Variants in GABRG3 observed in about 807,000 individuals in gnomAD.
GABRG3 encodes gamma-aminobutyric acid receptor subunit gamma-3.
A neutral mutation model predicts 48.8 loss-of-function variants in GABRG3; 25 were observed. The observed-to-expected ratio is 0.51, with a 90% CI of 0.37 to 0.72. The LOEUF is 0.72. GABRG3 is among the 30% of genes least tolerant of loss of function. The pLI, the probability that GABRG3 is intolerant of heterozygous loss-of-function variation, is 0.00. For synonymous variants in GABRG3, 227 were observed against 217.6 expected (o/e 1.04, Z -0.38); for missense variants, 394 against 577.9 (o/e 0.68, Z 3.26).
intron 5 of GABRG3, among the ~76,000 whole-genome samples, chr15:27,413,418 A>T (rs886094384): frequency 6.6e-6 from 1 of 152,238 alleles, no homozygotes; most frequent in African/African-American, 2.4e-5. Flanking sequence ...TTACAATTAT[A>T]TGCAGATTGC....
Position 26,994,859 on chromosome 15 carries a change from T to C in GABRG3, c.202+17709T>C, listed in dbSNP as rs112747181. Among the ~76,000 whole-genome samples, 193 of 152,022 alleles carry C rather than the reference T, an allele frequency of 1.3e-3. 1 individual carries two copies. Among genetic ancestry groups the C allele is most frequent in the African/African-American group, 4.3e-3 (180 of 41,538 alleles). Reference sequence around the variant, plus strand: ...TCTTTTAAAATTTATTGAGGCTTGTTTTATGGCTTAGCATAAGCCATGCTC... The same window carrying C: ...TCTTTTAAAATTTATTGAGGCTTGTCTTATGGCTTAGCATAAGCCATGCTC... On this transcript the variant is annotated intron_variant, in intron 2 of 9. Coordinates refer to ENST00000615808, the MANE Select transcript of GABRG3 (RefSeq NM_033223.5).
intron 5 of GABRG3, among the ~76,000 whole-genome samples, chr15:27,330,346 A>AT (rs1374788993): frequency 1.3e-5 from 2 of 152,338 alleles, no homozygotes; most frequent in African/African-American, 4.8e-5. Flanking sequence ...AATGTTATAG[A>AT]TTTTTCCCTG....
intron 3 of GABRG3, among the ~76,000 whole-genome samples, chr15:27,312,642 G>C (rs1893034516): frequency 6.6e-6 from 1 of 152,086 alleles, no homozygotes; most frequent in African/African-American, 2.4e-5. Flanking sequence ...GATATATTCA[G>C]AGTACTAAAA....
At chr15:26,995,951 A>G (rs1895332905) in intron 2 of GABRG3, among the ~76,000 whole-genome samples, 1 of 152,122 alleles carries the variant, frequency 6.6e-6, no homozygotes, top group Non-Finnish European at 1.5e-5. Context: ...TGGGGTCATT[A>G]TCTGCTCCAA....
At chr15:27,363,659 T>C (rs1895096573) in intron 5 of GABRG3, 1 of 152,098 alleles carries the variant, frequency 6.6e-6, no homozygotes, top group African/African-American at 2.4e-5. Flanking sequence ...GAGACCAAAA[T>C]CGAGGCAGTC....
intron 3 of GABRG3, among the ~76,000 whole-genome samples, chr15:27,088,265 G>T (rs1048737787): frequency 6.6e-6 from 1 of 150,890 alleles, no homozygotes; most frequent in African/African-American, 2.4e-5. Context: ...GCGGGGGCGG[G>T]CGCGGGGGCG....
chr15:27,123,818 G>C (rs991296711), intron 3 of GABRG3, among the ~76,000 whole-genome samples: 2 of 152,118 alleles, frequency 1.3e-5, no homozygotes, highest in East Asian at 3.9e-4. Flanking sequence ...AGCAGGACTC[G>C]AACCAGGGAG....
intron 3 of GABRG3, among the ~76,000 whole-genome samples, chr15:27,083,964 A>G (rs1227175677): frequency 2.0e-5 from 3 of 152,170 alleles, no homozygotes; most frequent in Non-Finnish European, 4.4e-5. Flanking sequence ...ATGACTTGTC[A>G]CCACATCATC....
chr15:27,413,467 C>T (rs1226189614), intron 5 of GABRG3, among the ~76,000 whole-genome samples: 2 of 152,140 alleles, frequency 1.3e-5, no homozygotes, highest in African/African-American at 2.4e-5. Context: ...AAAGAAAAAG[C>T]AACGTGTGTG....
rs1382526223 is a variant in GABRG3, at chr15:27,110,430, A to AT, written c.270+83616dup. Among the ~76,000 whole-genome samples the AT allele has an allele frequency of 3.3e-5, 5 of 152,002 alleles. No homozygotes were observed. In the South Asian group the frequency reaches 6.2e-4, roughly 19 times the overall value. ...CAATTTAAAATAGTAAACATAAAAG[A>AT]TTTTTTTATTTTACCTCCACTTATT... is the stretch of plus-strand genomic sequence containing the variant. On this transcript the variant is annotated intron_variant, in intron 3 of 9. Coordinates refer to ENST00000615808, the MANE Select transcript of GABRG3 (RefSeq NM_033223.5).
intron 5 of GABRG3, among the ~76,000 whole-genome samples, chr15:27,456,929 G>A (rs947151476): frequency 1.3e-5 from 2 of 152,304 alleles, no homozygotes; most frequent in South Asian, 2.1e-4. Flanking sequence ...CAGAGATCAA[G>A]GAGCCAGCCC....
At chr15:27,222,394 C>T (rs1175293194) in intron 3 of GABRG3, among the ~76,000 whole-genome samples, 1 of 152,194 alleles carries the variant, frequency 6.6e-6, no homozygotes, top group Non-Finnish European at 1.5e-5. Context: ...ATAAGTATTA[C>T]CTATAATTAC....
intron 6 of GABRG3, among the ~76,000 whole-genome samples, chr15:27,510,901 A>AT (rs80069727): frequency 2.0e-5 from 3 of 152,174 alleles, no homozygotes; most frequent in East Asian, 1.9e-4. Flanking sequence ...TACTTTAAAT[A>AT]TTTTTTTCTT....
intron 5 of GABRG3, among the ~76,000 whole-genome samples, chr15:27,446,062 G>A (rs933999216): frequency 1.3e-5 from 2 of 152,018 alleles, no homozygotes; most frequent in African/African-American, 4.8e-5. Flanking sequence ...CACTAGGTTT[G>A]GAAATAAGAG....
chr15:27,117,995 C>T (rs1486005852), intron 3 of GABRG3, among the ~76,000 whole-genome samples: 1 of 152,166 alleles, frequency 6.6e-6, no homozygotes, highest in Admixed American at 6.5e-5. Flanking sequence ...CCGTACTTAA[C>T]CAATGTACGG....
At chr15:27,348,298 G>A (rs770056406) in intron 5 of GABRG3, among the ~76,000 whole-genome samples, 1 of 152,126 alleles carries the variant, frequency 6.6e-6, no homozygotes, top group African/African-American at 2.4e-5. Flanking sequence ...AAGGAACCAA[G>A]CTGCTTGGTC....
intron 3 of GABRG3, among the ~76,000 whole-genome samples, chr15:27,288,614 G>T (rs961278657): frequency 7.9e-5 from 12 of 151,926 alleles, no homozygotes; most frequent in Admixed American, 5.9e-4. Flanking sequence ...CCCAGAAGCT[G>T]AGGCAGGAGA....
intron 6 of GABRG3, among the ~76,000 whole-genome samples, chr15:27,516,846 GC>G (rs1891030954): frequency 6.6e-6 from 1 of 152,174 alleles, no homozygotes; most frequent in Non-Finnish European, 1.5e-5. Flanking sequence ...ATGCTAAAAA[GC>G]AATTATTGAG....
At chr15:27,338,464 G>A (rs1161139416) in intron 5 of GABRG3, among the ~76,000 whole-genome samples, 3 of 152,148 alleles carry the variant, frequency 2.0e-5, no homozygotes, top group Admixed American at 6.5e-5. Context: ...TGATGTGGTG[G>A]TTCTGTGGTC....
Sources: allele counts gnomAD v4.1 joint callset (sites outside exome capture counted in the v4.1 genomes callset), GRCh38; gene constraint gnomAD v4.1.1; transcripts MANE v1.5; gene names NCBI Gene and HGNC (gene_info 2026-07-23, HGNC 2026-07-21).